Variants in HOOK3 observed in about 807,000 individuals in gnomAD.
The protein encoded by HOOK3 is hook microtubule tethering protein 3.
In HOOK3, 24 loss-of-function variants were observed where a neutral mutation model predicts 116.3. The ratio of observed to expected loss-of-function variants is 0.21; its 90% CI spans 0.15 to 0.29. The LOEUF (loss-of-function observed/expected upper bound fraction) is 0.29, where lower values mean the gene tolerates loss of function less well. HOOK3 is among the 10% of genes least tolerant of loss of function. HOOK3 has a pLI of 1.00. For synonymous variants in HOOK3, 275 were observed against 283.0 expected (o/e 0.97, Z 0.28); for missense variants, 632 against 830.2 (o/e 0.76, Z 2.93).
chr8:42,985,699 C>T (rs1476048989), intron 14 of HOOK3, among the ~76,000 whole-genome samples: 3 of 151,108 alleles, frequency 2.0e-5, no homozygotes, highest in East Asian at 3.9e-4. Context: ...GAGCTGAGAT[C>T]GTACCACTGC....
At chr8:42,996,894 CTTTTTTTT>C (rs60094537) in intron 15 of HOOK3, among the ~76,000 whole-genome samples, 2 of 77,868 alleles carry the variant, frequency 2.6e-5, no homozygotes, top group Non-Finnish European at 5.4e-5. Flanking sequence ...GGGCAGGGAT[CTTTTTTTT>C]TTTTTTTTTT....
At chr8:42,963,412 C>T (rs1808572863) in intron 8 of HOOK3, among the ~76,000 whole-genome samples, 1 of 152,126 alleles carries the variant, frequency 6.6e-6, no homozygotes, top group Admixed American at 6.5e-5. Context: ...TATCCATTTG[C>T]TTGTTGGCAA....
At chr8:42,977,732 TGG>T (rs1808855200) in intron 13 of HOOK3, among the ~76,000 whole-genome samples, 1 of 151,888 alleles carries the variant, frequency 6.6e-6, no homozygotes, top group Admixed American at 6.6e-5. Context: ...CCAGGCATGG[TGG>T]TGCGTGCCTG....
At chr8:42,901,348 A>G (rs1174094869) in intron 1 of HOOK3, among the ~76,000 whole-genome samples, 4 of 152,232 alleles carry the variant, frequency 2.6e-5, no homozygotes, top group African/African-American at 9.6e-5. Flanking sequence ...GCTATCCTGA[A>G]ATAGATGTTA....
intron 7 of HOOK3, among the ~76,000 whole-genome samples, chr8:42,958,040 G>C (rs1010731295): frequency 8.0e-4 from 122 of 152,132 alleles, no homozygotes; most frequent in African/African-American, 2.9e-3. Context: ...CACCATGTTA[G>C]CCAGGATGGT....
chr8:42,978,538 G>T (rs779580765), intron 13 of HOOK3, among the ~76,000 whole-genome samples: 5 of 151,878 alleles, frequency 3.3e-5, no homozygotes, highest in African/African-American at 4.8e-5. Context: ...AGCCTCCTGA[G>T]TACCTGGGAT....
intron 2 of HOOK3, among the ~76,000 whole-genome samples, chr8:42,924,205 A>T (rs1005781474): frequency 6.6e-6 from 1 of 152,070 alleles, no homozygotes; most frequent in African/African-American, 2.4e-5. Flanking sequence ...AGCAGGACAA[A>T]CTTAGGTGTT....
chr8:42,966,219 T>C (rs1173024218), intron 9 of HOOK3, among the ~76,000 whole-genome samples: 1 of 152,186 alleles, frequency 6.6e-6, no homozygotes, highest in Non-Finnish European at 1.5e-5. Context: ...TCTGCAATAT[T>C]TCAGAAAAAT....
chr8:42,942,505 A>T (rs1586602551), intron 4 of HOOK3, among the ~76,000 whole-genome samples: 1 of 152,306 alleles, frequency 6.6e-6, no homozygotes, highest in East Asian at 1.9e-4. Context: ...CATGATTCCC[A>T]GGTTTTTAAA....
intron 18 of HOOK3, among the ~76,000 whole-genome samples, chr8:43,008,333 G>C (rs1809534020): frequency 6.6e-6 from 1 of 151,882 alleles, no homozygotes; most frequent in Non-Finnish European, 1.5e-5. Context: ...ATTTATTTTT[G>C]AGATAGGGTC....
intron 1 of HOOK3, among the ~76,000 whole-genome samples, chr8:42,900,945 C>T (rs1807174376): frequency 6.6e-6 from 1 of 152,114 alleles, no homozygotes; most frequent in Non-Finnish European, 1.5e-5. Flanking sequence ...CCAGGTGATG[C>T]CATTGTTGGT....
rs376876870 is a variant in HOOK3 at position 43,016,413 on chromosome 8, C to T, written c.2017-1945C>T. On this transcript the variant is annotated intron_variant, in intron 21 of 21. Coordinates refer to ENST00000307602, the MANE Select transcript of HOOK3 (RefSeq NM_032410.4). ...GGGATTACAGGCATGAGCCACCGCG[C>T]CCGGCCAGAATAGTCCTAATTTTTA... is the stretch of plus-strand genomic sequence containing the variant. Among the ~76,000 whole-genome samples the T allele has an allele frequency of 2.6e-5, 4 of 152,292 alleles. No individual in the cohort carries two copies. The South Asian group carries it at 8.3e-4, about 32-fold the overall frequency.
At chr8:43,018,230 G>A in intron 21 of HOOK3, 128 bp from the exon 22 acceptor site, 1 of 813,414 alleles carries the variant, frequency 1.2e-6, no homozygotes, top group Non-Finnish European at 1.8e-6. Flanking sequence ...AATCTATAGT[G>A]AGTAGTATTA....
chr8:42,930,914 G>T (rs1807860785), intron 4 of HOOK3, among the ~76,000 whole-genome samples: 1 of 152,034 alleles, frequency 6.6e-6, no homozygotes, highest in Admixed American at 6.6e-5. Context: ...ATTCACTCTT[G>T]CTTAGATTAC....
rs77532963 is a variant in HOOK3, at chr8:42,979,727, C to G, written c.1322-2900C>G. ...TCACTTTGTTCTCACCACCACTCTC[C>G]TTCGTTATTCTCTTTACCGTTTCTA... On this transcript the variant is annotated intron_variant, in intron 13 of 21. Coordinates refer to ENST00000307602, the MANE Select transcript of HOOK3 (RefSeq NM_032410.4). 2.1e-3 allele frequency among the ~76,000 whole-genome samples: 319 copies of G among 152,274 alleles called. 9 individuals carry two copies. The East Asian group carries it at 0.054, about 26-fold the overall frequency.
intron 13 of HOOK3, among the ~76,000 whole-genome samples, chr8:42,981,421 G>A (rs1301568858): frequency 6.6e-6 from 1 of 152,140 alleles, no homozygotes; most frequent in Non-Finnish European, 1.5e-5. Flanking sequence ...AAAGGACTAG[G>A]ACACCTTTCT....
At chr8:42,969,481 T>C (rs984427521) in intron 11 of HOOK3, among the ~76,000 whole-genome samples, 28 of 152,134 alleles carry the variant, frequency 1.8e-4, no homozygotes, top group Non-Finnish European at 2.9e-5. Context: ...TTAAGTTAGC[T>C]GGGCATGGTG....
chr8:42,996,385 CAAAAAA>C (rs529268164), intron 15 of HOOK3, among the ~76,000 whole-genome samples: 2 of 55,980 alleles, frequency 3.6e-5, no homozygotes, highest in African/African-American at 1.2e-4. Flanking sequence ...GACTCCGTCT[CAAAAAA>C]AAAAAAAAAA....
chr8:42,915,496 A>G (rs1223543085), intron 2 of HOOK3, among the ~76,000 whole-genome samples: 1 of 152,086 alleles, frequency 6.6e-6, no homozygotes, highest in Admixed American at 6.5e-5. Flanking sequence ...CAATGGTGCG[A>G]TTTCGGCTCA....
Sources: allele counts gnomAD v4.1 joint callset (sites outside exome capture counted in the v4.1 genomes callset), GRCh38; gene constraint gnomAD v4.1.1; transcripts MANE v1.5; gene names NCBI Gene and HGNC (gene_info 2026-07-23, HGNC 2026-07-21).